IL1RAPL2: variants seen among roughly 807,000 people sequenced by gnomAD.
The protein encoded by IL1RAPL2 is interleukin 1 receptor accessory protein like 2.
A neutral mutation model predicts 44.1 loss-of-function variants in IL1RAPL2; 3 were observed. The ratio of observed to expected loss-of-function variants is 0.07; its 90% CI spans 0.03 to 0.18. The LOEUF (loss-of-function observed/expected upper bound fraction) is 0.18. Among genes scored for constraint, IL1RAPL2 ranks in the 10% least tolerant of loss-of-function variants. The pLI is 1.00. For missense variants in IL1RAPL2, 391 were observed against 496.4 expected, an observed-to-expected ratio of 0.79 and a Z score of 2.02; for synonymous variants, 181 against 178.8, an observed-to-expected ratio of 1.01 and a Z score of -0.10.
intron 2 of IL1RAPL2, among the ~76,000 whole-genome samples, chrX:105,190,212 G>A (rs971165367): frequency 1.5e-4 from 17 of 110,969 alleles, no homozygotes; most frequent in African/African-American, 5.3e-4. Flanking sequence ...TTCTGTGCTG[G>A]GTCATTCACT....
chrX:105,092,548 A>G (rs895991913), intron 2 of IL1RAPL2, among the ~76,000 whole-genome samples: 5 of 111,163 alleles, frequency 4.5e-5, no homozygotes, highest in Non-Finnish European at 7.5e-5. Context: ...TTGAGACTCG[A>G]TTACCTAGGC....
intron 3 of IL1RAPL2, among the ~76,000 whole-genome samples, chrX:105,233,256 C>G (rs1247855705): frequency 8.1e-5 from 9 of 111,687 alleles, no homozygotes; most frequent in Non-Finnish European, 3.8e-5. Flanking sequence ...TGCACTCCAG[C>G]CTGGGCGACA....
At chrX:105,358,547 A>G (rs2035222706) in intron 5 of IL1RAPL2, among the ~76,000 whole-genome samples, 1 of 107,779 alleles carries the variant, frequency 9.3e-6, no homozygotes, top group Admixed American at 1.0e-4. Context: ...ATTTTCCCAC[A>G]TGCCTGTAGT....
rs2037686151 is a variant in IL1RAPL2 at position 105,657,716 on chromosome X, C to T, written c.773-59651C>T. ...TGCAACCTCCGCCTCCCGGTTCAAG[C>T]GATTCTTGTGCCTCAGCCTCCTGAC... On this transcript the variant is annotated intron_variant, in intron 6 of 10. Transcript: ENST00000372582. Among the ~76,000 whole-genome samples, 3 of 111,798 alleles carry T rather than the reference C, an allele frequency of 2.7e-5. No individual in the cohort carries two copies. In the Admixed American group the frequency reaches 2.8e-4, roughly 11 times the overall value.
intron 1 of IL1RAPL2, among the ~76,000 whole-genome samples, chrX:104,608,662 CTTTTTTTTT>C (rs60105376): frequency 6.8e-5 from 4 of 58,546 alleles, no homozygotes; most frequent in Admixed American, 6.3e-4. Flanking sequence ...GCAACCCCTG[CTTTTTTTTT>C]TTTTTTTTTT....
chrX:104,693,092 G>A (rs1375374778), intron 2 of IL1RAPL2, among the ~76,000 whole-genome samples: 2 of 111,685 alleles, frequency 1.8e-5, no homozygotes, highest in Non-Finnish European at 3.8e-5. Context: ...GGACTCTTTC[G>A]AGCCCATGAA....
At chrX:104,924,274 C>T (rs59984945) in intron 2 of IL1RAPL2, among the ~76,000 whole-genome samples, 240 of 111,509 alleles carry the variant, frequency 2.2e-3, no homozygotes, top group African/African-American at 7.5e-3. Flanking sequence ...GGTTTTCTGC[C>T]TTGATGACCT....
chrX:105,542,730 TAA>T lies in IL1RAPL2; in HGVS notation c.772+58344_772+58345del, dbSNP rs1491100614. ...TTATTTATTTATTTATTTATTTATT[TAA>T]TTTATTATTTTTTTTTTTTGAGACG... On this transcript the variant is annotated intron_variant, in intron 6 of 10. Transcript: ENST00000372582. Among the ~76,000 whole-genome samples, 326 of 55,778 alleles carry T rather than the reference TAA, an allele frequency of 5.8e-3. 4 individuals carry two copies. Among genetic ancestry groups the T allele is most frequent in the Admixed American group, 0.01 (66 of 6,323 alleles). 48.4% of individuals were successfully genotyped at this position (55,778 alleles called of 115,157 possible). A position where few individuals can be genotyped will look rare whatever the true frequency, so the allele number is the denominator to read the frequency against.
At chrX:105,576,376 C>G (rs375027125) in intron 6 of IL1RAPL2, among the ~76,000 whole-genome samples, 2 of 111,255 alleles carry the variant, frequency 1.8e-5, no homozygotes, top group East Asian at 5.6e-4. Flanking sequence ...TCTGCATATG[C>G]CTAGCCAGTT....
At chrX:105,270,570 A>G (rs2034439050) in intron 5 of IL1RAPL2, among the ~76,000 whole-genome samples, 1 of 112,299 alleles carries the variant, frequency 8.9e-6, no homozygotes, top group Non-Finnish European at 1.9e-5. Flanking sequence ...CGTCATTCAT[A>G]TAAGAAAGTA....
At chrX:104,657,191 T>G in intron 1 of IL1RAPL2, among the ~76,000 whole-genome samples, 1 of 111,465 alleles carries the variant, frequency 9.0e-6, no homozygotes, top group Non-Finnish European at 1.9e-5. Context: ...AGGTTAATAT[T>G]GTTATTTGTG....
chrX:105,447,096 T>A (rs5962287), intron 5 of IL1RAPL2, among the ~76,000 whole-genome samples: 7 of 57,504 alleles, frequency 1.2e-4, no homozygotes, highest in African/African-American at 7.6e-4. Context: ...TATATATATA[T>A]ATATATATAT....
intron 3 of IL1RAPL2, among the ~76,000 whole-genome samples, chrX:105,209,537 G>A (rs1375370950): frequency 9.0e-6 from 1 of 111,305 alleles, no homozygotes; most frequent in African/African-American, 3.3e-5. Flanking sequence ...ATCAGAGCTG[G>A]GCCTTTCTCC....
chrX:104,980,331 T>C (rs1250670149), intron 2 of IL1RAPL2, among the ~76,000 whole-genome samples: 7 of 111,994 alleles, frequency 6.3e-5, no homozygotes, highest in Non-Finnish European at 1.3e-4. Context: ...AGAATGGTCA[T>C]CTCTGGGTAA....
chrX:105,040,108 C>T (rs1164751867), intron 2 of IL1RAPL2, among the ~76,000 whole-genome samples: 1 of 111,189 alleles, frequency 9.0e-6, no homozygotes, highest in Non-Finnish European at 1.9e-5. Flanking sequence ...TGAATTTTGT[C>T]AAAGGCCTTT....
At chrX:104,899,777 C>T (rs1021665317) in intron 2 of IL1RAPL2, among the ~76,000 whole-genome samples, 1 of 111,731 alleles carries the variant, frequency 9.0e-6, no homozygotes, top group Non-Finnish European at 1.9e-5. Flanking sequence ...TCATCTCTCC[C>T]CCTGACAAGA....
chrX:105,762,539 G>A (rs1185730445), intron 10 of IL1RAPL2, among the ~76,000 whole-genome samples: 2 of 111,992 alleles, frequency 1.8e-5, no homozygotes, highest in African/African-American at 3.2e-5. Context: ...CTATGTTCAA[G>A]GAGACTTTTT....
chrX:104,620,424 G>A (rs1016205667), intron 1 of IL1RAPL2, among the ~76,000 whole-genome samples: 1 of 107,809 alleles, frequency 9.3e-6, no homozygotes, highest in Non-Finnish European at 1.9e-5. Context: ...CGGATCACAG[G>A]GTCAGGAGAT....
At chrX:104,727,477 C>T (rs937656192) in intron 2 of IL1RAPL2, among the ~76,000 whole-genome samples, 1 of 111,234 alleles carries the variant, frequency 9.0e-6, no homozygotes, top group Non-Finnish European at 1.9e-5. Flanking sequence ...GCTTATACAC[C>T]ACTGGTGAGA....
Sources: allele counts gnomAD v4.1 joint callset (sites outside exome capture counted in the v4.1 genomes callset), GRCh38; gene constraint gnomAD v4.1.1; transcripts MANE v1.5; gene names NCBI Gene and HGNC (gene_info 2026-07-23, HGNC 2026-07-21).